The following KCNMA1 variants were observed in gnomAD, a reference collection of about 807,000 sequenced individuals.
KCNMA1 encodes Calcium-activated potassium channel subunit alpha-1.
KCNMA1 carries 29 observed loss-of-function variants against 140.0 expected under a neutral mutation model. The ratio of observed to expected loss-of-function variants is 0.21; its 90% CI spans 0.15 to 0.28. KCNMA1 has a LOEUF of 0.28. Ranked by LOEUF, KCNMA1 falls within the 10% of genes least tolerant of loss-of-function variation. The probability of loss-of-function intolerance (pLI) is 1.00; values close to 1 mark genes in which losing one functional copy is unlikely to be tolerated. For synonymous variants in KCNMA1, 612 were observed against 611.9 expected, an observed-to-expected ratio of 1.00 and a Z score of 0.00; for missense variants, 880 against 1,602.2, an observed-to-expected ratio of 0.55 and a Z score of 7.70.
chr10:77,226,767 A>C (rs1339343305), intron 3 of KCNMA1, among the ~76,000 whole-genome samples: 1 of 152,088 alleles, frequency 6.6e-6, no homozygotes, highest in African/African-American at 2.4e-5. Flanking sequence ...ATCAATCATA[A>C]CTGCTCTGAG....
At chr10:76,905,571 C>A (rs2047500977) in intron 25 of KCNMA1, among the ~76,000 whole-genome samples, 1 of 152,190 alleles carries the variant, frequency 6.6e-6, no homozygotes, top group African/African-American at 2.4e-5. Flanking sequence ...CTTCCTCCAA[C>A]AAACCAAACC....
At chr10:77,587,119 G>C (rs1340047221) in intron 1 of KCNMA1, 1 of 152,186 alleles carries the variant, frequency 6.6e-6, no homozygotes, top group Non-Finnish European at 1.5e-5. Context: ...GTCTGGCCCA[G>C]TTAATACTTG....
At chr10:77,537,779 G>A (rs1315357795) in intron 1 of KCNMA1, among the ~76,000 whole-genome samples, 2 of 146,688 alleles carry the variant, frequency 1.4e-5, no homozygotes, top group African/African-American at 2.5e-5. Flanking sequence ...TGGCCCCATC[G>A]TCACCCAAAT....
At chr10:77,007,955 C>A (rs546043170) in intron 18 of KCNMA1, among the ~76,000 whole-genome samples, 1 of 151,880 alleles carries the variant, frequency 6.6e-6, no homozygotes, top group Non-Finnish European at 1.5e-5. Context: ...AGCCCGGGGA[C>A]TGGGGTGGAT....
intron 19 of KCNMA1, among the ~76,000 whole-genome samples, chr10:76,992,412 T>C (rs993817041): frequency 1.3e-5 from 2 of 152,212 alleles, no homozygotes; most frequent in Admixed American, 6.5e-5. Context: ...ATGCTGGATT[T>C]AGCTCTGTCC....
chr10:77,571,754 C>T (rs2071435903), intron 1 of KCNMA1, among the ~76,000 whole-genome samples: 1 of 152,152 alleles, frequency 6.6e-6, no homozygotes, highest in Admixed American at 6.6e-5. Context: ...CCTGACACGC[C>T]CTCAATCTGA....
Position 77,183,424 on chromosome 10 carries a change from G to T in KCNMA1, c.805C>A (p.Leu269Ile). 1 of 1,610,440 alleles carries T rather than the reference G, an allele frequency of 6.2e-7. No homozygotes were observed. Among genetic ancestry groups the T allele is most frequent in the Non-Finnish European group, 8.5e-7 (1 of 1,176,862 alleles). ...FVSVYLNRSW[L>I]GLRFLRALRL... ...AAGGAAAGAGAGGCTGACTTACCAA[G>T]CCAACTTCTGTTTAAGTACACAGAC... The change falls in exon 5 of 28, where the codon CTT (leucine) becomes ATT (isoleucine). Residue 269 changes from leucine to isoleucine, a missense_variant. Leu to Ile is a conservative substitution (Grantham distance 5). Around this residue, in one of 13 missense-constraint regions of KCNMA1, gnomAD observed 198 missense variants for 580.1 expected, o/e 0.34. Coordinates refer to ENST00000286628, the MANE Select transcript of KCNMA1 (RefSeq NM_001161352.2).
chr10:77,601,283 C>T (rs1425682455), intron 1 of KCNMA1, among the ~76,000 whole-genome samples: 1 of 152,162 alleles, frequency 6.6e-6, no homozygotes, highest in East Asian at 1.9e-4. Flanking sequence ...ACATCAGCCA[C>T]CTTTACTATC....
rs1444185928 is a variant in KCNMA1, at chr10:77,523,344, C to T, written c.378+113921G>A. ...AAATATGTATAGTAAGTAGACACTGCCCCAATAGTTGGTCCCATTGGTAAA... is the reference window on the plus strand; with the variant it reads ...AAATATGTATAGTAAGTAGACACTGTCCCAATAGTTGGTCCCATTGGTAAA... On this transcript the variant is annotated intron_variant, in intron 1 of 27. Transcript: ENST00000286628. 2.0e-5 allele frequency among the ~76,000 whole-genome samples: 3 copies of T among 152,302 alleles called. No homozygotes were observed. In the East Asian group the frequency reaches 5.8e-4, roughly 29 times the overall value.
intron 3 of KCNMA1, among the ~76,000 whole-genome samples, chr10:77,202,139 T>A (rs1307992984): frequency 7.9e-5 from 12 of 152,248 alleles, no homozygotes; most frequent in Admixed American, 7.9e-4. Context: ...TACAGACTGA[T>A]TTCTTTAACA....
chr10:77,434,139 C>G (rs1051255187), intron 1 of KCNMA1, among the ~76,000 whole-genome samples: 2 of 152,224 alleles, frequency 1.3e-5, no homozygotes, highest in Non-Finnish European at 2.9e-5. Flanking sequence ...ACAGTCCCCA[C>G]TAACTACAAG....
In KCNMA1 at chr10:77,172,774, T is replaced by C. The variant is rs557974059; in HGVS notation, c.808+10647A>G. On this transcript the variant is annotated intron_variant, in intron 5 of 27. Coordinates refer to ENST00000286628, the MANE Select transcript of KCNMA1 (RefSeq NM_001161352.2). ...TATGCGCTAACAAAATACCTTAGAC[T>C]GGGTAATTTATAAACAACAGCAATT... Among the ~76,000 whole-genome samples, 43 of 151,704 alleles carry C rather than the reference T, an allele frequency of 2.8e-4. 1 individual carries two copies. Among genetic ancestry groups the C allele is most frequent in the South Asian group, 2.1e-3 (10 of 4,778 alleles).
At chr10:77,256,372 G>A (rs1044542958) in intron 2 of KCNMA1, among the ~76,000 whole-genome samples, 1 of 152,090 alleles carries the variant, frequency 6.6e-6, no homozygotes, top group Non-Finnish European at 1.5e-5. Flanking sequence ...AAGCAGAGAT[G>A]CCCTCATCCC....
chr10:77,464,499 G>T (rs182684045), intron 1 of KCNMA1, among the ~76,000 whole-genome samples: 1 of 152,196 alleles, frequency 6.6e-6, no homozygotes, highest in East Asian at 1.9e-4. Flanking sequence ...TAATGGGGAA[G>T]CAGCGGGTCT....
chr10:77,247,510 T>C (rs564901224), intron 3 of KCNMA1, among the ~76,000 whole-genome samples: 98 of 152,158 alleles, frequency 6.4e-4, no homozygotes, highest in Non-Finnish European at 1.2e-3. Flanking sequence ...GTTGTACAAT[T>C]TCTAAAAAAT....
At chr10:77,270,018 C>T (rs2064560086) in intron 2 of KCNMA1, among the ~76,000 whole-genome samples, 1 of 152,154 alleles carries the variant, frequency 6.6e-6, no homozygotes, top group Non-Finnish European at 1.5e-5. Context: ...GCAGGCTGTT[C>T]CCTGGCTCTG....
At chr10:77,176,056 C>A (rs1259018532) in intron 5 of KCNMA1, among the ~76,000 whole-genome samples, 1 of 152,214 alleles carries the variant, frequency 6.6e-6, no homozygotes, top group African/African-American at 2.4e-5. Flanking sequence ...CTGACCCTGC[C>A]TGAAGGTGGG....
intron 6 of KCNMA1, among the ~76,000 whole-genome samples, chr10:77,112,871 T>G (rs2097359708): frequency 6.6e-6 from 1 of 150,390 alleles, no homozygotes; most frequent in Non-Finnish European, 1.5e-5. Flanking sequence ...TGCTAAACCA[T>G]TTACCAATAA....
chr10:77,051,557 C>A (rs1478981980), intron 14 of KCNMA1, among the ~76,000 whole-genome samples: 2 of 152,162 alleles, frequency 1.3e-5, no homozygotes, highest in African/African-American at 2.4e-5. Context: ...GGATGTTAGG[C>A]CTCATCAAAA....
Sources: allele counts gnomAD v4.1 joint callset (sites outside exome capture counted in the v4.1 genomes callset), GRCh38; gene constraint gnomAD v4.1.1; regional missense constraint gnomAD v4.1.1; transcripts MANE v1.5; gene names NCBI Gene and HGNC (gene_info 2026-07-23, HGNC 2026-07-21).